The following SCN2A variants were observed in gnomAD, a reference collection of about 807,000 sequenced individuals.
SCN2A encodes the protein sodium voltage-gated channel alpha subunit 2.
Under a neutral mutation model 188.7 loss-of-function variants are expected in SCN2A, and 20 were observed. The ratio of observed to expected loss-of-function variants is 0.11; its 90% CI spans 0.07 to 0.15. SCN2A has a LOEUF of 0.15. Among genes scored for constraint, SCN2A ranks in the 10% least tolerant of loss-of-function variants. The probability of loss-of-function intolerance (pLI) is 1.00; values close to 1 mark genes in which losing one functional copy is unlikely to be tolerated. For missense variants in SCN2A, 1,278 were observed against 2,445.0 expected, an observed-to-expected ratio of 0.52 and a Z score of 10.07; for synonymous variants, 804 against 833.1, an observed-to-expected ratio of 0.97 and a Z score of 0.60.
In SCN2A at chr2:165,344,701, T is replaced by C; in HGVS notation, c.2709T>C (p.Phe903=). 2 of 1,614,110 alleles carry C rather than the reference T, an allele frequency of 1.2e-6. No homozygotes were observed. The highest frequency in any genetic ancestry group is 1.7e-6 in the Non-Finnish European group (2 of 1,180,008). ...FIFAVVGMQL[F]GKSYKECVCK... ...TTGCTGTGGTCGGCATGCAGCTCTTTGGTAAGAGCTACAAAGAATGTGTCT... is the reference window on the plus strand; with the variant it reads ...TTGCTGTGGTCGGCATGCAGCTCTTCGGTAAGAGCTACAAAGAATGTGTCT... The change falls in exon 16 of 27, where the codon TTT becomes TTC. Residue 903 remains phenylalanine, a synonymous_variant. Coordinates refer to ENST00000375437, the MANE Select transcript of SCN2A (RefSeq NM_001040142.2).
At chr2:165,383,204 A>G (rs1701694021) in intron 25 of SCN2A, among the ~76,000 whole-genome samples, 1 of 152,084 alleles carries the variant, frequency 6.6e-6, no homozygotes, top group African/African-American at 2.4e-5. Flanking sequence ...GTATCCCAGA[A>G]AAAAAGGGAT....
chr2:165,348,249 C>T (rs1413530848), intron 16 of SCN2A, among the ~76,000 whole-genome samples: 1 of 150,832 alleles, frequency 6.6e-6, no homozygotes, highest in African/African-American at 2.4e-5. Context: ...ATCCCAGCTA[C>T]TTGGGAAGCT....
chr2:165,370,194 T>G lies in SCN2A; in HGVS notation c.3744T>G (p.Val1248=). 1 of 1,614,108 alleles carries G rather than the reference T, an allele frequency of 6.2e-7. No homozygotes were observed. The highest frequency in any genetic ancestry group is 8.5e-7 in the Non-Finnish European group (1 of 1,179,970). The part of the protein sequence containing the change: ...IKTMLEYADK[V]FTYIFILEML... ...CCATGTTAGAATATGCTGACAAGGT[T>G]TTCACTTACATATTCATTCTGGAAA... The change falls in exon 20 of 27, where the codon GTT becomes GTG. Residue 1248 remains valine, a synonymous_variant. Transcript: ENST00000375437.
intron 1 of SCN2A, chr2:165,270,824 A>G (rs958991599): frequency 2.0e-5 from 3 of 152,144 alleles, no homozygotes; most frequent in Non-Finnish European, 4.4e-5. Context: ...TCAGATCTCA[A>G]TGCTGTTAAC....
At chr2:165,265,291 T>A (rs559910865) in intron 1 of SCN2A, among the ~76,000 whole-genome samples, 2 of 151,628 alleles carry the variant, frequency 1.3e-5, no homozygotes, top group East Asian at 3.9e-4. Context: ...CATGCATTTC[T>A]TCTTTTGAGA....
At chr2:165,383,924 G>A (rs966823325) in intron 25 of SCN2A, among the ~76,000 whole-genome samples, 1 of 151,964 alleles carries the variant, frequency 6.6e-6, no homozygotes, top group African/African-American at 2.4e-5. Flanking sequence ...AGGAGGAAGG[G>A]AGAGAAATGA....
At chr2:165,260,791 A>AC (rs1169952014) in intron 1 of SCN2A, among the ~76,000 whole-genome samples, 5 of 149,990 alleles carry the variant, frequency 3.3e-5, no homozygotes, top group Non-Finnish European at 7.4e-5. Flanking sequence ...ACATGAAGAA[A>AC]CCCCCCTCTC....
At position 165,354,484 on chromosome 2, in the gene SCN2A, G is replaced by T; in HGVS notation, c.3212G>T (p.Gly1071Val). ...IGKDLNYLKD[G>V]NGTTSGIGSS... ...AAAGACCTCAATTATCTCAAAGACG[G>T]AAATGGAACTACTAGTGGCATAGGC... The change falls in exon 17 of 27, where the codon GGA becomes GTA. Residue 1071 changes from glycine (G) to valine (V), a missense_variant. Physicochemically the swap from Gly to Val is moderately radical, Grantham distance 109. Around this residue, in one of 17 missense-constraint regions of SCN2A, gnomAD observed 228 missense variants for 297.3 expected, o/e 0.77. Coordinates refer to ENST00000375437, the MANE Select transcript of SCN2A (RefSeq NM_001040142.2). The T allele has an allele frequency of 1.2e-6, 2 of 1,614,046 alleles. No homozygotes were observed.
intron 1 of SCN2A, among the ~76,000 whole-genome samples, chr2:165,274,831 A>T (rs1204851378): frequency 6.6e-6 from 1 of 151,902 alleles, no homozygotes; most frequent in Non-Finnish European, 1.5e-5. Context: ...CCAGGTTTGG[A>T]TTTTTCCGGG....
rs112530356 is a variant in SCN2A at position 165,313,850 on chromosome 2, A to T, written c.1177-52A>T. On this transcript the variant is annotated intron_variant, in intron 9 of 26. Coordinates refer to ENST00000375437, the MANE Select transcript of SCN2A (RefSeq NM_001040142.2). Reference sequence around the variant, plus strand: ...AGAATATTTTATTACTTAGAGTGTAAGTTTGTAACATCCTATATAAAATTT... The same window carrying T: ...AGAATATTTTATTACTTAGAGTGTATGTTTGTAACATCCTATATAAAATTT... 8.7e-6 allele frequency: 14 copies of T among 1,611,560 alleles called. No homozygotes were observed. The Admixed American group carries it at 1.0e-4, about 12-fold the overall frequency.
At chr2:165,384,426 T>G (rs1701757692) in intron 25 of SCN2A, among the ~76,000 whole-genome samples, 1 of 152,070 alleles carries the variant, frequency 6.6e-6, no homozygotes, top group Non-Finnish European at 1.5e-5. Context: ...CCCTAGGATT[T>G]AAATGGGAGA....
intron 1 of SCN2A, among the ~76,000 whole-genome samples, chr2:165,262,801 C>T (rs1002138906): frequency 3.3e-5 from 5 of 152,080 alleles, no homozygotes; most frequent in African/African-American, 1.2e-4. Context: ...GTAATATCTA[C>T]TTTTCGTTCT....
At chr2:165,294,053 TA>T in intron 1 of SCN2A, 2 of 956,048 alleles carry the variant, frequency 2.1e-6, no homozygotes, top group Non-Finnish European at 1.2e-6. Context: ...TTTTTTTTTT[TA>T]AAGCATGATG....
chr2:165,325,699 G>A (rs1008440126), intron 12 of SCN2A, among the ~76,000 whole-genome samples: 1 of 151,600 alleles, frequency 6.6e-6, no homozygotes, highest in Non-Finnish European at 1.5e-5. Flanking sequence ...GGCACCCTTT[G>A]GATTAAAAGA....
chr2:165,290,813 T>C lies in SCN2A; in HGVS notation c.-51-4960T>C, dbSNP rs1401113350. On this transcript the variant is annotated intron_variant, in intron 1 of 26. Coordinates refer to ENST00000375437, the MANE Select transcript of SCN2A (RefSeq NM_001040142.2). The stretch of plus-strand genomic sequence containing the variant: ...AAGTATCTTGCCTGGCCAGTATACA[T>C]GGAAGTTGGTACACATGGAAGATAT... 3 of 982,832 alleles carry C rather than the reference T, an allele frequency of 3.1e-6. No individual in the cohort carries two copies. The African/African-American group carries it at 5.2e-5, about 17-fold the overall frequency. The allele number at this position is 982,832 out of a possible 1,614,324, so 60.9% of individuals were successfully genotyped here.
chr2:165,293,197 A>G (rs932111424), intron 1 of SCN2A, among the ~76,000 whole-genome samples: 2 of 152,244 alleles, frequency 1.3e-5, no homozygotes, highest in Non-Finnish European at 2.9e-5. Context: ...CTACAAGCCT[A>G]CATACGGTAA....
At chr2:165,285,034 G>T (rs1006981730) in intron 1 of SCN2A, among the ~76,000 whole-genome samples, 15 of 152,166 alleles carry the variant, frequency 9.9e-5, no homozygotes, top group African/African-American at 3.6e-4. Flanking sequence ...TCCTAGGAAA[G>T]TTAGATGTAA....
At chr2:165,340,693 G>A (rs1350950688) in intron 14 of SCN2A, among the ~76,000 whole-genome samples, 1 of 152,164 alleles carries the variant, frequency 6.6e-6, no homozygotes, top group Admixed American at 6.5e-5. Context: ...GACAGAGAGA[G>A]TTCTGAATAA....
At chr2:165,270,999 T>C (rs906330446) in intron 1 of SCN2A, 4 of 152,090 alleles carry the variant, frequency 2.6e-5, no homozygotes, top group Admixed American at 2.0e-4. Flanking sequence ...ACCTCCCTGA[T>C]CTACCTTCTA....
Sources: allele counts gnomAD v4.1 joint callset (sites outside exome capture counted in the v4.1 genomes callset), GRCh38; gene constraint gnomAD v4.1.1; regional missense constraint gnomAD v4.1.1; transcripts MANE v1.5; gene names NCBI Gene and HGNC (gene_info 2026-07-23, HGNC 2026-07-21).